The following NAALADL2 variants were observed in gnomAD, a reference collection of about 807,000 sequenced individuals.
NAALADL2 encodes inactive N-acetylated-alpha-linked acidic dipeptidase-like protein 2.
Under a neutral mutation model 87.2 loss-of-function variants are expected in NAALADL2, and 76 were observed. That is an observed-to-expected ratio of 0.87 (90% CI 0.72 to 1.05). The LOEUF is 1.05. Among genes scored for constraint, NAALADL2 ranks in the 50% least tolerant of loss-of-function variants. The pLI, the probability that NAALADL2 is intolerant of heterozygous loss-of-function variation, is 0.00. For synonymous variants in NAALADL2, 354 were observed against 331.0 expected (o/e 1.07, Z -0.75); for missense variants, 1,089 against 945.8 (o/e 1.15, Z -1.99).
intron 1 of NAALADL2, among the ~76,000 whole-genome samples, chr3:174,986,183 T>A (rs181308915): frequency 6.6e-6 from 1 of 150,786 alleles, no homozygotes; most frequent in East Asian, 1.9e-4. Flanking sequence ...TCTGATTACA[T>A]GTAGATTACT....
intron 2 of NAALADL2, among the ~76,000 whole-genome samples, chr3:174,658,227 C>T (rs977175274): frequency 1.3e-5 from 2 of 152,068 alleles, no homozygotes; most frequent in African/African-American, 2.4e-5. Flanking sequence ...ACCATTTTTG[C>T]GTTCCCACCG....
chr3:174,849,430 A>G (rs943005049), intron 3 of NAALADL2, among the ~76,000 whole-genome samples: 5 of 151,566 alleles, frequency 3.3e-5, no homozygotes, highest in Non-Finnish European at 5.9e-5. Context: ...AAAATTTTCA[A>G]TTTTTTTTGC....
At chr3:175,625,813 G>C (rs947987628) in intron 10 of NAALADL2, among the ~76,000 whole-genome samples, 1 of 151,870 alleles carries the variant, frequency 6.6e-6, no homozygotes, top group African/African-American at 2.4e-5. Flanking sequence ...TGCCTGATAG[G>C]TATGTCTGTT....
intron 2 of NAALADL2, among the ~76,000 whole-genome samples, chr3:174,556,845 A>G (rs1159582261): frequency 1.3e-5 from 2 of 152,114 alleles, no homozygotes; most frequent in East Asian, 3.9e-4. Flanking sequence ...GGCTCAAGCA[A>G]TCCTCCCACC....
At chr3:175,559,050 A>G (rs146316886) in intron 9 of NAALADL2, among the ~76,000 whole-genome samples, 3 of 152,234 alleles carry the variant, frequency 2.0e-5, no homozygotes, top group South Asian at 2.1e-4. Context: ...ATTTTTTTCA[A>G]TATATGAACA....
intron 1 of NAALADL2, among the ~76,000 whole-genome samples, chr3:174,892,106 C>G (rs544573059): frequency 2.6e-5 from 4 of 152,204 alleles, no homozygotes; most frequent in African/African-American, 9.6e-5. Context: ...AGAACAGCTA[C>G]AAATAATATG....
At chr3:174,693,558 A>G (rs1728772142) in intron 2 of NAALADL2, among the ~76,000 whole-genome samples, 1 of 152,176 alleles carries the variant, frequency 6.6e-6, no homozygotes, top group East Asian at 1.9e-4. Context: ...AATTCAGAGT[A>G]TGTTGAAAAG....
intron 9 of NAALADL2, among the ~76,000 whole-genome samples, chr3:175,557,827 A>G (rs1715537311): frequency 6.6e-6 from 1 of 152,082 alleles, no homozygotes; most frequent in Admixed American, 6.5e-5. Flanking sequence ...TCTGAAGTGC[A>G]TTTCTCTGAT....
At chr3:174,656,991 CTTCCTTCCTTTT>C (rs1464172074) in intron 2 of NAALADL2, among the ~76,000 whole-genome samples, 2 of 151,014 alleles carry the variant, frequency 1.3e-5, no homozygotes, top group East Asian at 3.9e-4. Context: ...TTCTCCCTCC[CTTCCTTCCTTTT>C]TTCCTTCCTC....
In NAALADL2 at chr3:175,590,069, G is replaced by A. The variant is rs552877407; in HGVS notation, c.1800+13882G>A. Among the ~76,000 whole-genome samples, 54 of 151,972 alleles carry A rather than the reference G, an allele frequency of 3.6e-4. No homozygotes were observed. The East Asian group carries it at 7.2e-3, about 20-fold the overall frequency. On this transcript the variant is annotated intron_variant, in intron 10 of 13. Coordinates refer to ENST00000454872, the MANE Select transcript of NAALADL2 (RefSeq NM_207015.3). Reference sequence around the variant, plus strand: ...CTCCTAAAAATACAAAAAATTAGCCGGGCGTGGTGGCGGGCGACTGTAATC... The same window carrying A: ...CTCCTAAAAATACAAAAAATTAGCCAGGCGTGGTGGCGGGCGACTGTAATC...
At chr3:174,527,696 T>C (rs1720888781) in intron 1 of NAALADL2, among the ~76,000 whole-genome samples, 1 of 152,154 alleles carries the variant, frequency 6.6e-6, no homozygotes, top group Non-Finnish European at 1.5e-5. Flanking sequence ...ATCTGTCTAA[T>C]GGAGGCAGAA....
At chr3:174,561,789 A>T (rs1213770849) in intron 2 of NAALADL2, among the ~76,000 whole-genome samples, 3 of 152,202 alleles carry the variant, frequency 2.0e-5, no homozygotes, top group African/African-American at 7.2e-5. Flanking sequence ...AATTACTTTT[A>T]CAAATCAAAG....
intron 1 of NAALADL2, among the ~76,000 whole-genome samples, chr3:175,080,584 C>G (rs1240834825): frequency 6.6e-6 from 1 of 152,112 alleles, no homozygotes; most frequent in Non-Finnish European, 1.5e-5. Flanking sequence ...GTTTTATATA[C>G]AAAGCATTGA....
chr3:175,463,664 T>C (rs1424431526), intron 7 of NAALADL2, among the ~76,000 whole-genome samples, 171 bp downstream of exon 7: 1 of 148,764 alleles, frequency 6.7e-6, no homozygotes, highest in Non-Finnish European at 1.5e-5. Flanking sequence ...TCCTTCTCTT[T>C]CCTACCGTAT....
At chr3:175,733,144 A>T (rs192211131) in intron 11 of NAALADL2, among the ~76,000 whole-genome samples, 1 of 152,332 alleles carries the variant, frequency 6.6e-6, no homozygotes, top group Admixed American at 6.5e-5. Context: ...AAATTGAATT[A>T]TATTTTTTAC....
intron 2 of NAALADL2, among the ~76,000 whole-genome samples, chr3:174,674,576 A>C (rs955158346): frequency 6.6e-6 from 1 of 151,832 alleles, no homozygotes; most frequent in African/African-American, 2.4e-5. Context: ...AATACTGAAA[A>C]TATTTGTTGG....
At chr3:174,560,866 T>C (rs2108511233) in intron 2 of NAALADL2, among the ~76,000 whole-genome samples, 1 of 152,294 alleles carries the variant, frequency 6.6e-6, no homozygotes. Flanking sequence ...TCTTTGACCC[T>C]GTGCAACCAT....
chr3:175,035,730 A>G (rs1331071888), intron 1 of NAALADL2, among the ~76,000 whole-genome samples: 1 of 152,218 alleles, frequency 6.6e-6, no homozygotes, highest in Non-Finnish European at 1.5e-5. Flanking sequence ...AATTAGGTAT[A>G]TTTATGTTTA....
In NAALADL2 at chr3:174,739,578, A is replaced by G. The variant is rs372550646; in HGVS notation, c.-9+1832A>G. 1.2e-4 allele frequency among the ~76,000 whole-genome samples: 18 copies of G among 152,204 alleles called. No individual in the cohort carries two copies. The East Asian group carries it at 2.3e-3, about 20-fold the overall frequency. On this transcript the variant is annotated intron_variant, in intron 3 of 3. Transcript: ENST00000434257. Reference sequence around the variant, plus strand: ...TGTGATCATTTTGAGAACTGAGTATATTATACAAAGCATGCAATGTCTTTT... The same window carrying G: ...TGTGATCATTTTGAGAACTGAGTATGTTATACAAAGCATGCAATGTCTTTT...
Sources: allele counts gnomAD v4.1 joint callset (sites outside exome capture counted in the v4.1 genomes callset), GRCh38; gene constraint gnomAD v4.1.1; transcripts MANE v1.5; gene names NCBI Gene and HGNC (gene_info 2026-07-23, HGNC 2026-07-21).